Variants in KLF12 observed in about 807,000 individuals in gnomAD.
KLF12 encodes the protein Krueppel-like factor 12.
KLF12 carries 9 observed loss-of-function variants against 37.8 expected under a neutral mutation model. The ratio of observed to expected loss-of-function variants is 0.24; its 90% CI spans 0.14 to 0.42. The LOEUF (loss-of-function observed/expected upper bound fraction) is 0.42, where lower values mean the gene tolerates loss of function less well. Among genes scored for constraint, KLF12 ranks in the 10% least tolerant of loss-of-function variants. The pLI is 1.00. For missense variants in KLF12, 411 were observed against 516.0 expected, an observed-to-expected ratio of 0.80 and a Z score of 1.97; for synonymous variants, 208 against 202.1, an observed-to-expected ratio of 1.03 and a Z score of -0.25.
chr13:73,939,578 G>C (rs1168989857), intron 3 of KLF12, among the ~76,000 whole-genome samples: 1 of 152,134 alleles, frequency 6.6e-6, no homozygotes, highest in Non-Finnish European at 1.5e-5. Context: ...CATAGATGTT[G>C]AAATCTCTAC....
At chr13:73,925,651 A>G (rs955471069) in intron 3 of KLF12, among the ~76,000 whole-genome samples, 1 of 152,218 alleles carries the variant, frequency 6.6e-6, no homozygotes, top group Non-Finnish European at 1.5e-5. Flanking sequence ...TATTAAAGAA[A>G]TATATTTCAT....
At chr13:73,768,271 G>T (rs1191944146) in intron 5 of KLF12, among the ~76,000 whole-genome samples, 2 of 152,164 alleles carry the variant, frequency 1.3e-5, no homozygotes, top group Non-Finnish European at 2.9e-5. Flanking sequence ...AAAATCTTTA[G>T]AATGGTGCTC....
chr13:74,272,239 T>C, the KLF12 span, among the ~76,000 whole-genome samples: 11 of 152,192 alleles, frequency 7.2e-5, no homozygotes, highest in African/African-American at 2.7e-4. Context: ...AGATTAATAG[T>C]CAATTTAGTA....
chr13:74,228,863 T>C, the KLF12 span, among the ~76,000 whole-genome samples: 6 of 151,456 alleles, frequency 4.0e-5, no homozygotes, highest in African/African-American at 1.2e-4. Context: ...ATTTGCATGG[T>C]CTTCATTAAA....
chr13:74,046,814 T>C (rs775397154), intron 1 of KLF12, among the ~76,000 whole-genome samples: 1 of 152,234 alleles, frequency 6.6e-6, no homozygotes, highest in Non-Finnish European at 1.5e-5. Flanking sequence ...TTGATATTAC[T>C]ACTGTGTCCT....
chr13:74,026,073 G>A (rs1009179410), intron 1 of KLF12, among the ~76,000 whole-genome samples: 6 of 151,448 alleles, frequency 4.0e-5, no homozygotes, highest in African/African-American at 1.5e-4. Context: ...AATGTGAAAT[G>A]TCAATTTCCT....
chr13:74,048,125 A>C (rs1424295797), intron 1 of KLF12, among the ~76,000 whole-genome samples: 1 of 152,150 alleles, frequency 6.6e-6, no homozygotes, highest in African/African-American at 2.4e-5. Flanking sequence ...AAAGAAGGAC[A>C]ATGTGGAGTA....
At chr13:74,209,196 T>G in the KLF12 span, among the ~76,000 whole-genome samples, 1 of 152,072 alleles carries the variant, frequency 6.6e-6, no homozygotes, top group Non-Finnish European at 1.5e-5. Flanking sequence ...AGATATTGGA[T>G]TCCATTCTTC....
chr13:74,163,123 G>A, the KLF12 span, among the ~76,000 whole-genome samples: 9 of 152,128 alleles, frequency 5.9e-5, no homozygotes, highest in East Asian at 1.9e-4. Flanking sequence ...ACCCCTGTAC[G>A]CTGTTGGTGG....
At chr13:74,200,193 G>GA in the KLF12 span, among the ~76,000 whole-genome samples, 1 of 151,938 alleles carries the variant, frequency 6.6e-6, no homozygotes, top group African/African-American at 2.4e-5. Flanking sequence ...CTTGCTCAGG[G>GA]GGGGGGTTTC....
At chr13:73,726,178 C>T (rs1216608548) in intron 6 of KLF12, among the ~76,000 whole-genome samples, 1 of 152,118 alleles carries the variant, frequency 6.6e-6, no homozygotes, top group African/African-American at 2.4e-5. Flanking sequence ...ATAGTAATTA[C>T]TGAATGGAGT....
the KLF12 span, among the ~76,000 whole-genome samples, chr13:74,255,951 C>T: frequency 4.6e-5 from 7 of 151,896 alleles, no homozygotes; most frequent in African/African-American, 1.7e-4. Flanking sequence ...GTCAGGAGAT[C>T]GAGACCATCC....
chr13:73,902,732 C>T (rs1888094548), intron 3 of KLF12, among the ~76,000 whole-genome samples: 1 of 152,198 alleles, frequency 6.6e-6, no homozygotes, highest in East Asian at 1.9e-4. Flanking sequence ...AAGATAATCC[C>T]TAATTGTATA....
chr13:73,830,459 A>C (rs1884092042), intron 4 of KLF12, among the ~76,000 whole-genome samples: 1 of 152,152 alleles, frequency 6.6e-6, no homozygotes, highest in Admixed American at 6.5e-5. Flanking sequence ...ATAACCAAAC[A>C]CACACTTTAT....
chr13:73,729,838 G>A (rs545553689), intron 6 of KLF12, among the ~76,000 whole-genome samples: 1 of 152,228 alleles, frequency 6.6e-6, no homozygotes, highest in Non-Finnish European at 1.5e-5. Context: ...AAGTGAACAC[G>A]CAAAGGCATC....
intron 3 of KLF12, among the ~76,000 whole-genome samples, chr13:73,935,391 T>C (rs2139312827): frequency 6.6e-6 from 1 of 152,304 alleles, no homozygotes; most frequent in Non-Finnish European, 1.5e-5. Context: ...AAATACAGTA[T>C]GATATGGTTT....
chr13:73,825,664 T>A (rs944466503), intron 4 of KLF12, among the ~76,000 whole-genome samples: 1 of 152,168 alleles, frequency 6.6e-6, no homozygotes, highest in Non-Finnish European at 1.5e-5. Context: ...GTTTAATAAA[T>A]AGAAAGGTTG....
At chr13:73,813,059 A>T in intron 5 of KLF12, 93 bp downstream of exon 5, 1 of 1,375,002 alleles carries the variant, frequency 7.3e-7, no homozygotes, top group Non-Finnish European at 1.0e-6. Flanking sequence ...CACAGCTAGA[A>T]TGACATGGCT....
At chr13:73,807,427 AAAGAT>A (rs1882705368) in intron 5 of KLF12, among the ~76,000 whole-genome samples, 1 of 152,188 alleles carries the variant, frequency 6.6e-6, no homozygotes, top group Non-Finnish European at 1.5e-5. Context: ...AAAAAGTACC[AAAGAT>A]AAGACTATAC....
Sources: allele counts gnomAD v4.1 joint callset (sites outside exome capture counted in the v4.1 genomes callset), GRCh38; gene constraint gnomAD v4.1.1; transcripts MANE v1.5; gene names NCBI Gene and HGNC (gene_info 2026-07-23, HGNC 2026-07-21).